Variants in RYR1 observed in about 807,000 individuals in gnomAD.
RYR1 encodes the protein central core disease of muscle.
A neutral mutation model predicts 583.5 loss-of-function variants in RYR1; 342 were observed. That is an observed-to-expected ratio of 0.59 (90% CI 0.54 to 0.64). The LOEUF is 0.64. RYR1 is among the 30% of genes least tolerant of loss of function. The pLI is 0.00. For missense variants in RYR1, 6,032 were observed against 6,917.2 expected, an observed-to-expected ratio of 0.87 and a Z score of 4.54; for synonymous variants, 2,791 against 2,822.5, an observed-to-expected ratio of 0.99 and a Z score of 0.35.
chr19:38,433,927 G>T lies in RYR1; in HGVS notation c.45+53G>T, dbSNP rs537798907. 130 of 1,492,788 alleles carry T rather than the reference G, an allele frequency of 8.7e-5. 3 individuals are homozygous for T. The South Asian group carries it at 1.3e-3, about 15-fold the overall frequency. The allele number at this position is 1,492,788 out of a possible 1,614,324, so 92.5% of individuals were successfully genotyped here. On this transcript the variant is annotated intron_variant, in intron 1 of 105. Transcript: ENST00000359596. ...GGGGCTATCTCTTGGGGCTCTCTGA[G>T]GGTCTCTCTGTCTCTGAATGTCCCT...
intron 84 of RYR1, among the ~76,000 whole-genome samples, chr19:38,541,878 TTCGAGACCAGCCTGGG>T (rs1972209000): frequency 6.6e-6 from 1 of 150,450 alleles, no homozygotes; most frequent in Non-Finnish European, 1.5e-5. Flanking sequence ...AGGCCAGGAG[TTCGAGACCAGCCTGGG>T]CTGGTCTCAA....
intron 90 of RYR1, among the ~76,000 whole-genome samples, chr19:38,562,099 C>T (rs781568886): frequency 1.3e-5 from 2 of 152,026 alleles, no homozygotes; most frequent in Non-Finnish European, 2.9e-5. Context: ...CCTCTCAGAA[C>T]CCTGGCATGC....
intron 11 of RYR1, among the ~76,000 whole-genome samples, chr19:38,449,456 C>T (rs143460364): frequency 6.6e-6 from 1 of 152,046 alleles, no homozygotes; most frequent in Non-Finnish European, 1.5e-5. Context: ...AGTGAAACTC[C>T]GTCTCAGAAA....
At chr19:38,457,384 C>T (rs1967468806) in intron 16 of RYR1, 113 bp from the exon 17 acceptor site, 2 of 1,492,394 alleles carry the variant, frequency 1.3e-6, no homozygotes, top group Admixed American at 1.7e-5. Context: ...AAAATTGCCA[C>T]ATCTTATCCC....
chr19:38,508,205 TTTTA>T (rs925981855), intron 58 of RYR1, among the ~76,000 whole-genome samples: 17 of 151,940 alleles, frequency 1.1e-4, no homozygotes, highest in African/African-American at 3.4e-4. Flanking sequence ...TTATTTTTTA[TTTTA>T]TTTATTTATT....
intron 67 of RYR1, among the ~76,000 whole-genome samples, chr19:38,519,836 G>A (rs964951863): frequency 6.6e-6 from 1 of 151,746 alleles, no homozygotes; most frequent in Non-Finnish European, 1.5e-5. Context: ...ATGCCACCAC[G>A]CCCAGCTAAG....
Position 38,537,923 on chromosome 19 carries a change from C to A in RYR1, c.11652C>A (p.Phe3884Leu). ...MADDEFTQDLFRFLQLLCEGH... is the reference protein window; with the variant it reads ...MADDEFTQDLLRFLQLLCEGH... ...ATGATGAATTCACACAAGACCTGTT[C>A]CGATTCCTACAATTGCTCTGTGAGG... Residue 3884 changes from phenylalanine to leucine, a missense_variant, in exon 84 of 106, where the codon TTC (phenylalanine) becomes TTA (leucine). Physicochemically the swap from Phe to Leu is conservative, Grantham distance 22. Transcript: ENST00000359596. The A allele has an allele frequency of 2.5e-6, 4 of 1,614,072 alleles. No individual in the cohort carries two copies. The highest frequency in any genetic ancestry group is 3.4e-6 in the Non-Finnish European group (4 of 1,180,018).
rs1300950589 is a variant in RYR1 at position 38,529,595 on chromosome 19, CAA to C, written c.11141+539_11141+540del. ...ATGTCTGAGGGGTTCGTATCACAGA[CAA>C]TGTAGATTAACTAGGCTTTTCTAGA... On this transcript the variant is annotated intron_variant, in intron 76 of 105. Transcript: ENST00000359596. Among the ~76,000 whole-genome samples, 5 of 152,136 alleles carry C rather than the reference CAA, an allele frequency of 3.3e-5. No homozygotes were observed. The East Asian group carries it at 7.7e-4, about 23-fold the overall frequency.
In RYR1 at chr19:38,543,448, G is replaced by A. The variant is rs886038315; in HGVS notation, c.11778+13G>A. 11 of 1,614,254 alleles carry A rather than the reference G, an allele frequency of 6.8e-6. No homozygotes were observed. Among genetic ancestry groups the A allele is most frequent in the Non-Finnish European group, 6.8e-6 (8 of 1,180,048 alleles). On this transcript the variant is annotated intron_variant, in intron 85 of 105. Transcript: ENST00000359596. The surrounding 1 kb of genome is among the most constrained non-coding windows in gnomAD (Gnocchi z 4.4). Reference sequence around the variant, plus strand: ...CCTGCGGCTGCAGGTGAGGACGTGAGACGGTTCAGGTGTGACTTGGGTCGG... The same window carrying A: ...CCTGCGGCTGCAGGTGAGGACGTGAAACGGTTCAGGTGTGACTTGGGTCGG...
At chr19:38,478,283 G>T (rs1468759706) in intron 30 of RYR1, 152 bp from the exon 31 acceptor site, 3 of 813,490 alleles carry the variant, frequency 3.7e-6, no homozygotes, top group East Asian at 5.3e-5. Flanking sequence ...TCAGTGTCCG[G>T]GGCGAGGGGT....
intron 52 of RYR1, 29 bp from the exon 53 acceptor site, chr19:38,505,280 C>G: frequency 6.6e-7 from 1 of 1,525,390 alleles, no homozygotes; most frequent in Non-Finnish European, 9.1e-7. Context: ...TGCTGCCTCC[C>G]CCTCACCCTG....
intron 89 of RYR1, among the ~76,000 whole-genome samples, chr19:38,550,405 T>C (rs1241714939): frequency 3.3e-5 from 5 of 152,206 alleles, no homozygotes; most frequent in African/African-American, 9.6e-5. Context: ...TTCATCATTA[T>C]CAGACTAGGG....
intron 28 of RYR1, among the ~76,000 whole-genome samples, chr19:38,474,661 G>A (rs1461362982): frequency 7.7e-6 from 1 of 130,102 alleles, no homozygotes; most frequent in African/African-American, 3.0e-5. Flanking sequence ...TGCAATCTCC[G>A]CCTCCTGGGT....
chr19:38,510,932 G>A (rs953718532), intron 60 of RYR1, 151 bp downstream of exon 60: 10 of 1,182,464 alleles, frequency 8.5e-6, no homozygotes, highest in Admixed American at 2.1e-5. Context: ...TAGTGTACCC[G>A]GGACTGAAGG....
At position 38,483,160 on chromosome 19, in the gene RYR1, G is replaced by C; in HGVS notation, c.4707+47G>C. The C allele has an allele frequency of 6.2e-7, 1 of 1,601,836 alleles. No individual in the cohort carries two copies. Among genetic ancestry groups the C allele is most frequent in the South Asian group, 1.1e-5 (1 of 90,814 alleles). On this transcript the variant is annotated intron_variant, in intron 32 of 105. Transcript: ENST00000359596. This position sits in a 1 kb window ranked among gnomAD's most constrained non-coding sequence, Gnocchi z 6.3. ...CACTAATGGGGCCAGGCTGAGGCAG[G>C]AGATGTGGGGAGGCCAGGCGGGCAG...
In RYR1 at chr19:38,457,043, CT is replaced by C. The variant is rs1316165021; in HGVS notation, c.1792-453del. Among the ~76,000 whole-genome samples, 3 of 7,256 alleles carry C rather than the reference CT, an allele frequency of 4.1e-4. No homozygotes were observed. The South Asian group carries it at 7.4e-3, about 18-fold the overall frequency. 4.8% of individuals were successfully genotyped at this position (7,256 alleles called of 152,430 possible). A position where few individuals can be genotyped will look rare whatever the true frequency, so the allele number is the denominator to read the frequency against. On this transcript the variant is annotated intron_variant, in intron 16 of 105. Transcript: ENST00000359596. ...CCTGGGCGACAGAGCCAGACTCCAT[CT>C]CCAAAAAAAAAAAAAAAAAAAAAAA...
At chr19:38,536,185 A>G in intron 82 of RYR1, 115 bp downstream of exon 82, 1 of 907,416 alleles carries the variant, frequency 1.1e-6, no homozygotes, top group Non-Finnish European at 1.6e-6. Context: ...ACTGGTTCCC[A>G]AGGGCTCCCT....
chr19:38,507,972 CTG>C, intron 58 of RYR1, 145 bp downstream of exon 58: 2 of 662,210 alleles, frequency 3.0e-6, no homozygotes, highest in Non-Finnish European at 5.6e-6. Context: ...GTGCCAGACA[CTG>C]TTCTAGATGC....
At chr19:38,469,223 C>G (rs1968285100) in intron 26 of RYR1, 82 bp from the exon 27 acceptor site, 1 of 1,606,050 alleles carries the variant, frequency 6.2e-7, no homozygotes, top group Non-Finnish European at 8.5e-7. Context: ...GCCTCCAACT[C>G]TCCCATCCCT....
Sources: allele counts gnomAD v4.1 joint callset (sites outside exome capture counted in the v4.1 genomes callset), GRCh38; gene constraint gnomAD v4.1.1; non-coding constraint Gnocchi (gnomAD v3.1); transcripts MANE v1.5; gene names NCBI Gene and HGNC (gene_info 2026-07-23, HGNC 2026-07-21).